Variants in PLD2 observed in about 807,000 individuals in gnomAD.
PLD2 encodes choline phosphatase 2.
In PLD2, 101 loss-of-function variants were observed where a neutral mutation model predicts 119.8. That is an observed-to-expected ratio of 0.84 (90% CI 0.72 to 0.99). The LOEUF (loss-of-function observed/expected upper bound fraction) is 0.99. Among genes scored for constraint, PLD2 ranks in the 50% least tolerant of loss-of-function variants. PLD2 has a pLI of 0.00. For missense variants in PLD2, 1,164 were observed against 1,226.8 expected (o/e 0.95, Z 0.76); for synonymous variants, 494 against 482.8 (o/e 1.02, Z -0.30).
chr17:4,822,065 G>A (rs573937613), intron 24 of PLD2, among the ~76,000 whole-genome samples, 158 bp downstream of exon 24: 3 of 152,194 alleles, frequency 2.0e-5, no homozygotes, highest in South Asian at 2.1e-4. Context: ...GGCCCAGGCC[G>A]GGTGCAGTGG....
intron 10 of PLD2, 87 bp downstream of exon 10, chr17:4,811,038 A>C: frequency 1.2e-3 from 1,591 of 1,340,094 alleles, no homozygotes; most frequent in Non-Finnish European, 1.5e-3. Flanking sequence ...CTCTTTTCTC[A>C]TCTGAACCCT....
At chr17:4,815,667 G>A (rs1465890557) in intron 13 of PLD2, 81 bp downstream of exon 13, 2 of 1,593,132 alleles carry the variant, frequency 1.3e-6, no homozygotes, top group Non-Finnish European at 1.7e-6. Flanking sequence ...CCCGCTCCCT[G>A]ATGGTCTCAT....
chr17:4,809,176 G>A lies in PLD2; in HGVS notation c.460G>A (p.Gly154Ser), dbSNP rs1192406173. Residue 154 changes from glycine (G) to serine (S), a missense_variant, in exon 5 of 25, where the codon GGC (glycine) becomes AGC (serine). Transcript: ENST00000263088. ...CTCTCTACCCCGGGCAGGTCCTGAG[G>A]GCTCCACCAGACATGCAGCCAGCAA... Reference protein sequence around the residue: ...MPSLPRAGPEGSTRHAASKQK... With the variant: ...MPSLPRAGPESSTRHAASKQK... 4.3e-6 allele frequency: 7 copies of A among 1,614,018 alleles called. No homozygotes were observed. The highest frequency in any genetic ancestry group is 5.9e-6 in the Non-Finnish European group (7 of 1,180,028).
At position 4,815,516 on chromosome 17, in the gene PLD2, T is replaced by G. The variant is rs200324134; in HGVS notation, c.1214T>G (p.Val405Gly). The G allele has an allele frequency of 5.6e-5, 91 of 1,613,426 alleles. No homozygotes were observed. Among genetic ancestry groups the G allele is most frequent in the Non-Finnish European group, 7.7e-5 (91 of 1,179,618 alleles). ...GTGTCTATTCTGCTGTTTAAAGAAGTGGAATTGGCCTTGGGCATCAACAGT... is the reference window on the plus strand; with the variant it reads ...GTGTCTATTCTGCTGTTTAAAGAAGGGGAATTGGCCTTGGGCATCAACAGT... ...VRVSILLFKEVELALGINSGY... is the reference protein window; with the variant it reads ...VRVSILLFKEGELALGINSGY... Residue 405 changes from valine (V) to glycine (G), a missense_variant, in exon 13 of 25, where the codon GTG becomes GGG. Physicochemically the swap from Val to Gly is moderately radical, Grantham distance 109 (BLOSUM62 -3). Coordinates refer to ENST00000263088, the MANE Select transcript of PLD2 (RefSeq NM_002663.5).
At position 4,821,835 on chromosome 17, in the gene PLD2, A is replaced by G. The variant is rs1684887185; in HGVS notation, c.2505A>G (p.Arg835=). 1 of 1,613,958 alleles carries G rather than the reference A, an allele frequency of 6.2e-7. No homozygotes were observed. The change falls in exon 24 of 25, where the codon CGA becomes CGG. Residue 835 remains arginine, a synonymous_variant. Coordinates refer to ENST00000263088, the MANE Select transcript of PLD2 (RefSeq NM_002663.5). Reference sequence around the variant, plus strand: ...ATACCCGGCCAGACTTGGATCTCCGAGACCCCATCTGTGATGACTTCTTCC... The same window carrying G: ...ATACCCGGCCAGACTTGGATCTCCGGGACCCCATCTGTGATGACTTCTTCC... The part of the protein sequence containing the change: ...GANTRPDLDL[R]DPICDDFFQL...
At chr17:4,818,195 G>A in intron 18 of PLD2, 89 bp downstream of exon 18, 2 of 1,413,266 alleles carry the variant, frequency 1.4e-6, no homozygotes, top group South Asian at 1.2e-5. Context: ...ATTGAGGGCT[G>A]GTGGAGCAGA....
rs776598770 is a variant in PLD2 at position 4,816,999 on chromosome 17, G to A, written c.1645G>A (p.Gly549Ser). 6.2e-7 allele frequency: 1 copy of A among 1,613,982 alleles called. No individual in the cohort carries two copies. Among genetic ancestry groups the A allele is most frequent in the South Asian group, 1.1e-5 (1 of 91,080 alleles). ...PWRDVGVVVH[G>S]LPARDLARHF... Reference sequence around the variant, plus strand: ...GCGGGACGTTGGGGTGGTCGTCCATGGCCTACCGGCCCGGGACCTTGCCCG... The same window carrying A: ...GCGGGACGTTGGGGTGGTCGTCCATAGCCTACCGGCCCGGGACCTTGCCCG... The change falls in exon 16 of 25, where the codon GGC becomes AGC. Residue 549 changes from glycine (G) to serine (S), a missense_variant. Physicochemically the swap from Gly to Ser is moderately conservative, Grantham distance 56. Coordinates refer to ENST00000263088, the MANE Select transcript of PLD2 (RefSeq NM_002663.5).
Position 4,819,372 on chromosome 17 carries a change from G to T in PLD2, c.2309-57G>T. The T allele has an allele frequency of 6.2e-7, 1 of 1,608,126 alleles. No individual in the cohort carries two copies. Among genetic ancestry groups the T allele is most frequent in the East Asian group, 2.2e-5 (1 of 44,672 alleles). On this transcript the variant is annotated intron_variant, in intron 22 of 24. Coordinates refer to ENST00000263088, the MANE Select transcript of PLD2 (RefSeq NM_002663.5). This position sits in a 1 kb window ranked among gnomAD's most constrained non-coding sequence, Gnocchi z 4.2. ...GCCAGTGCTTTGGTAGAGGGGATGGGGTACTGGGGAGAGTGCCCTGGGCCC... is the reference window on the plus strand; with the variant it reads ...GCCAGTGCTTTGGTAGAGGGGATGGTGTACTGGGGAGAGTGCCCTGGGCCC...
rs779265134 is a variant in PLD2, at chr17:4,821,924, G to A, written c.2577+17G>A. The A allele has an allele frequency of 7.7e-6, 12 of 1,552,664 alleles. No individual in the cohort carries two copies. Among genetic ancestry groups the A allele is most frequent in the Non-Finnish European group, 1.1e-5 (12 of 1,124,206 alleles). Reference sequence around the variant, plus strand: ...TATGAGCAGGTGGGAACTTGGGAGGGGTGGGGGAGAGTGGCCTGGGGAAAT... The same window carrying A: ...TATGAGCAGGTGGGAACTTGGGAGGAGTGGGGGAGAGTGGCCTGGGGAAAT... On this transcript the variant is annotated intron_variant, in intron 24 of 24. Coordinates refer to ENST00000263088, the MANE Select transcript of PLD2 (RefSeq NM_002663.5).
intron 9 of PLD2, 32 bp from the exon 10 acceptor site, chr17:4,810,770 G>A (rs1412943426): frequency 1.3e-6 from 2 of 1,589,456 alleles, no homozygotes; most frequent in Non-Finnish European, 1.7e-6. Flanking sequence ...TGGAGGGCGA[G>A]GATTTATGGA....
rs1361007320 is a variant in PLD2 at position 4,815,846 on chromosome 17, G to A, written c.1367G>A (p.Gly456Glu). 5 of 1,613,974 alleles carry A rather than the reference G, an allele frequency of 3.1e-6. No homozygotes were observed. The highest frequency in any genetic ancestry group is 2.2e-5 in the South Asian group (2 of 91,086). The change falls in exon 14 of 25, where the codon GGG (glycine) becomes GAG (glutamate). Residue 456 changes from glycine to glutamate, a missense_variant. Gly to Glu is a moderately conservative substitution (Grantham distance 98). Transcript: ENST00000263088. ...LVVDQVVAFL[G>E]GLDLAYGRWD... ...GTGGACCAAGTGGTAGCATTCCTGG[G>A]GGGACTGGACCTTGCCTATGGCCGC...
chr17:4,810,647 AAAAT>A (rs990658997), intron 9 of PLD2, among the ~76,000 whole-genome samples, 151 bp from the exon 10 acceptor site: 44 of 152,248 alleles, frequency 2.9e-4, no homozygotes, highest in African/African-American at 9.6e-4. Context: ...CTCTGTCTCA[AAAAT>A]AAATAAATAA....
At chr17:4,809,634 A>G (rs1173370243) in intron 7 of PLD2, 57 bp from the exon 8 acceptor site, 2 of 1,610,752 alleles carry the variant, frequency 1.2e-6, no homozygotes, top group East Asian at 2.2e-5. Context: ...CAAGCAGTGC[A>G]GGGTGGGCTG....
Position 4,808,434 on chromosome 17 carries a change from G to A in PLD2, c.383+18G>A, listed in dbSNP as rs1906099233. The A allele has an allele frequency of 6.2e-7, 1 of 1,610,678 alleles. No homozygotes were observed. The highest frequency in any genetic ancestry group is 1.1e-5 in the South Asian group (1 of 90,698). On this transcript the variant is annotated intron_variant, in intron 4 of 24. Coordinates refer to ENST00000263088, the MANE Select transcript of PLD2 (RefSeq NM_002663.5). The surrounding 1 kb of genome is among the most constrained non-coding windows in gnomAD (Gnocchi z 4.1). ...CTGGCTCGGTGAGGGCGACCGGACT[G>A]CTTCCTGTAGAGGGCAGGTGCTCCC...
chr17:4,817,572 G>A (rs1379176647), intron 17 of PLD2, among the ~76,000 whole-genome samples: 1 of 151,668 alleles, frequency 6.6e-6, no homozygotes, highest in African/African-American at 2.4e-5. Flanking sequence ...TAAGGCAGGA[G>A]AATCGCTTGA....
Position 4,807,888 on chromosome 17 carries a change from A to G in PLD2, c.109+7A>G. On this transcript the variant is annotated splice_region_variant and intron_variant, in intron 2 of 24. Coordinates refer to ENST00000263088, the MANE Select transcript of PLD2 (RefSeq NM_002663.5). The surrounding 1 kb of genome is among the most constrained non-coding windows in gnomAD (Gnocchi z 5.4). ...AAGGAGGGAGAGGACCCAGGTACAC[A>G]GGGAAGATGGATGGCCCTCAGGGAG... 6.2e-7 allele frequency: 1 copy of G among 1,611,570 alleles called. No individual in the cohort carries two copies. Among genetic ancestry groups the G allele is most frequent in the Non-Finnish European group, 8.5e-7 (1 of 1,177,968 alleles).
At chr17:4,809,392 G>A in intron 6 of PLD2, 29 bp downstream of exon 6, 1 of 1,613,340 alleles carries the variant, frequency 6.2e-7, no homozygotes, top group Non-Finnish European at 8.5e-7. Flanking sequence ...TTTTAGATGT[G>A]GAGCAGGATT....
intron 21 of PLD2, 111 bp downstream of exon 21, chr17:4,818,934 C>T (rs904328574): frequency 2.6e-5 from 39 of 1,476,352 alleles, no homozygotes; most frequent in South Asian, 6.1e-5. Flanking sequence ...GAGCCTCTGA[C>T]GCTACGCAGA....
intron 10 of PLD2, among the ~76,000 whole-genome samples, chr17:4,812,295 GTTTTTT>G (rs560349965): frequency 8.4e-6 from 1 of 118,604 alleles, no homozygotes. Context: ...TTTTGTTTTG[GTTTTTT>G]TTTTTTTTTT....
Sources: allele counts gnomAD v4.1 joint callset (sites outside exome capture counted in the v4.1 genomes callset), GRCh38; gene constraint gnomAD v4.1.1; non-coding constraint Gnocchi (gnomAD v3.1); transcripts MANE v1.5; gene names NCBI Gene and HGNC (gene_info 2026-07-23, HGNC 2026-07-21).